Variants in CFAP58 observed in about 807,000 individuals in gnomAD.
The protein encoded by CFAP58 is cilia- and flagella-associated protein 58.
CFAP58 carries 88 observed loss-of-function variants against 119.5 expected under a neutral mutation model. The observed-to-expected ratio is 0.74, with a 90% CI of 0.62 to 0.88. CFAP58 has a LOEUF of 0.88. Ranked by LOEUF, CFAP58 falls within the 40% of genes least tolerant of loss-of-function variation. The pLI, the probability that CFAP58 is intolerant of heterozygous loss-of-function variation, is 0.00. For synonymous variants in CFAP58, 365 were observed against 366.3 expected, an observed-to-expected ratio of 1.00 and a Z score of 0.04; for missense variants, 990 against 1,021.2, an observed-to-expected ratio of 0.97 and a Z score of 0.42.
intron 15 of CFAP58, among the ~76,000 whole-genome samples, chr10:104,419,071 G>A (rs375089167): frequency 5.9e-5 from 9 of 152,258 alleles, no homozygotes; most frequent in South Asian, 2.1e-4. Context: ...TGTCCCCGTC[G>A]TGCTCCTGGG....
At chr10:104,368,695 C>T (rs1401827143) in intron 6 of CFAP58, 135 bp downstream of exon 6, 1 of 856,642 alleles carries the variant, frequency 1.2e-6, no homozygotes, top group East Asian at 2.6e-5. Context: ...CAGGTGCAAG[C>T]CTATAGTGAT....
At chr10:104,444,613 A>T (rs1417588618) in intron 15 of CFAP58, among the ~76,000 whole-genome samples, 1 of 152,240 alleles carries the variant, frequency 6.6e-6, no homozygotes, top group Non-Finnish European at 1.5e-5. Flanking sequence ...CTAAATTACT[A>T]GCACATTCTC....
Position 104,358,549 on chromosome 10 carries a change from T to A in CFAP58, c.218T>A (p.Val73Glu), listed in dbSNP as rs757574970. The part of the protein sequence containing the change: ...KCRELNAEIV[V>E]NSAKVATALK... ...AGAGAGCTAAATGCAGAGATTGTAG[T>A]GAATTCTGCGAAGGTCGCCACTGCC... The change falls in exon 2 of 18, where the codon GTG (valine) becomes GAG (glutamate). Residue 73 changes from valine (V) to glutamate (E), a missense_variant. Physicochemically the swap from Val to Glu is moderately radical, Grantham distance 121. Coordinates refer to ENST00000369704, the MANE Select transcript of CFAP58 (RefSeq NM_001008723.2). The A allele has an allele frequency of 1.2e-6, 2 of 1,613,978 alleles. No homozygotes were observed. Among genetic ancestry groups the A allele is most frequent in the African/African-American group, 2.7e-5 (2 of 74,916 alleles).
At position 104,436,161 on chromosome 10, in the gene CFAP58, G is replaced by A. The variant is rs114862474; in HGVS notation, c.2257-11537G>A. On this transcript the variant is annotated intron_variant, in intron 15 of 17. Transcript: ENST00000369704. Reference sequence around the variant, plus strand: ...GTGGAACACTTAAACACTGAGTGCTGTAAGAAATATTAGAATTTCTGCACA... The same window carrying A: ...GTGGAACACTTAAACACTGAGTGCTATAAGAAATATTAGAATTTCTGCACA... Among the ~76,000 whole-genome samples the A allele has an allele frequency of 6.4e-3, 975 of 152,178 alleles. 13 individuals carry two copies. The highest frequency in any genetic ancestry group is 0.022 in the African/African-American group (927 of 41,510).
intron 7 of CFAP58, among the ~76,000 whole-genome samples, chr10:104,374,230 C>T (rs1453941138): frequency 6.6e-6 from 1 of 151,282 alleles, no homozygotes; most frequent in East Asian, 1.9e-4. Context: ...GAGGCTTTGG[C>T]GGGTGGATTG....
At chr10:104,409,024 C>T (rs2012414253) in intron 15 of CFAP58, among the ~76,000 whole-genome samples, 1 of 152,022 alleles carries the variant, frequency 6.6e-6, no homozygotes, top group Admixed American at 6.6e-5. Flanking sequence ...TGCTTGAGCC[C>T]ATGAATTCGA....
chr10:104,351,161 A>G (rs965981028), upstream of CFAP58, among the ~76,000 whole-genome samples: 4 of 152,152 alleles, frequency 2.6e-5, no homozygotes, highest in African/African-American at 4.8e-5. Flanking sequence ...AGCTTGGCTT[A>G]CAGTGTGGTT....
chr10:104,448,596 G>A (rs1589940047), intron 16 of CFAP58, among the ~76,000 whole-genome samples: 2 of 152,180 alleles, frequency 1.3e-5, no homozygotes, highest in Non-Finnish European at 2.9e-5. Context: ...GGTAATAATC[G>A]TTGACTTTCT....
chr10:104,399,181 T>TGC (rs1254560963), intron 11 of CFAP58, among the ~76,000 whole-genome samples, 179 bp from the exon 12 acceptor site: 1 of 150,918 alleles, frequency 6.6e-6, no homozygotes, highest in Non-Finnish European at 1.5e-5. Flanking sequence ...TATGAGTGTG[T>TGC]GTGTGTGTGT....
chr10:104,360,012 G>A (rs978771188), intron 2 of CFAP58, among the ~76,000 whole-genome samples: 1 of 152,096 alleles, frequency 6.6e-6, no homozygotes, highest in Non-Finnish European at 1.5e-5. Context: ...ATTTTGCTTT[G>A]AATCACTGAA....
chr10:104,447,549 G>T, intron 15 of CFAP58, 149 bp from the exon 16 acceptor site: 2 of 950,544 alleles, frequency 2.1e-6, no homozygotes, highest in Non-Finnish European at 3.2e-6. Flanking sequence ...TTCAATGCAT[G>T]ACTGAATGAA....
At chr10:104,428,693 G>A (rs994720592) in intron 15 of CFAP58, among the ~76,000 whole-genome samples, 1 of 152,162 alleles carries the variant, frequency 6.6e-6, no homozygotes, top group Non-Finnish European at 1.5e-5. Context: ...TAGTATGTGT[G>A]GTTTCATGTG....
At chr10:104,373,644 G>T (rs1314329890) in intron 7 of CFAP58, among the ~76,000 whole-genome samples, 1 of 152,108 alleles carries the variant, frequency 6.6e-6, no homozygotes, top group East Asian at 1.9e-4. Context: ...GACAGAGCAA[G>T]TCTCTTTAAA....
Position 104,430,186 on chromosome 10 carries a change from G to A in CFAP58, c.2257-17512G>A, listed in dbSNP as rs576943399. Reference sequence around the variant, plus strand: ...AGACACGAATGATGTACTTAAGTTAGCCTGAAGTTACTTGTTGGTCGCTTT... The same window carrying A: ...AGACACGAATGATGTACTTAAGTTAACCTGAAGTTACTTGTTGGTCGCTTT... On this transcript the variant is annotated intron_variant, in intron 15 of 17. Transcript: ENST00000369704. Among the ~76,000 whole-genome samples the A allele has an allele frequency of 3.3e-5, 5 of 152,318 alleles. No individual in the cohort carries two copies. The East Asian group carries it at 9.7e-4, about 29-fold the overall frequency.
At chr10:104,369,785 C>G (rs1184368087) in intron 6 of CFAP58, among the ~76,000 whole-genome samples, 1 of 152,180 alleles carries the variant, frequency 6.6e-6, no homozygotes, top group Non-Finnish European at 1.5e-5. Flanking sequence ...ATTTTGGTCT[C>G]TTCATTGTTA....
chr10:104,400,817 C>T lies in CFAP58; in HGVS notation c.1953C>T (p.Asp651=), dbSNP rs1198372155. The T allele has an allele frequency of 3.1e-6, 5 of 1,614,122 alleles. No individual in the cohort carries two copies. Among genetic ancestry groups the T allele is most frequent in the Non-Finnish European group, 2.5e-6 (3 of 1,180,024 alleles). ...GCCAGTACAACCAGAGGTTGGAGGA[C>T]ATGAGAATCCTCAGACTTGAGATCA... ...GESQYNQRLE[D]MRILRLEIKK... Residue 651 remains aspartate, a synonymous_variant, in exon 13 of 18, where the codon GAC becomes GAT. Coordinates refer to ENST00000369704, the MANE Select transcript of CFAP58 (RefSeq NM_001008723.2).
chr10:104,424,119 G>A (rs1443308254), intron 15 of CFAP58, among the ~76,000 whole-genome samples: 1 of 152,106 alleles, frequency 6.6e-6, no homozygotes. Context: ...GTCAAGTCTG[G>A]CTCATGTTTC....
upstream of CFAP58, among the ~76,000 whole-genome samples, chr10:104,350,366 G>A (rs1171882612): frequency 6.6e-6 from 1 of 152,202 alleles, no homozygotes; most frequent in Non-Finnish European, 1.5e-5. Flanking sequence ...GCCACCTAGT[G>A]ATTCTTGTTA....
chr10:104,343,900 A>C, the CFAP58 span, among the ~76,000 whole-genome samples: 2 of 152,200 alleles, frequency 1.3e-5, no homozygotes, highest in South Asian at 4.1e-4. Context: ...GTGCCACCAT[A>C]CCTGGCTAAT....
Sources: allele counts gnomAD v4.1 joint callset (sites outside exome capture counted in the v4.1 genomes callset), GRCh38; gene constraint gnomAD v4.1.1; transcripts MANE v1.5; gene names NCBI Gene and HGNC (gene_info 2026-07-23, HGNC 2026-07-21).